Variants in KCNA2 observed in about 807,000 individuals in gnomAD.
The protein encoded by KCNA2 is potassium channel, voltage gated shaker related subfamily A, member 2.
In KCNA2, 11 loss-of-function variants were observed where a neutral mutation model predicts 33.4. The observed-to-expected ratio is 0.33, with a 90% CI of 0.21 to 0.55. The LOEUF is 0.55. KCNA2 is among the 20% of genes least tolerant of loss of function. The pLI, the probability that KCNA2 is intolerant of heterozygous loss-of-function variation, is 0.93. For synonymous variants in KCNA2, 222 were observed against 231.3 expected, an observed-to-expected ratio of 0.96 and a Z score of 0.37; for missense variants, 291 against 621.6, an observed-to-expected ratio of 0.47 and a Z score of 5.66.
chr1:110,604,887 G>C lies in KCNA2; in HGVS notation c.-105C>G. ...CCAGGAAGCACAGGAGCATTGGCCT[G>C]GTCTCCTGCAGGAGAGCCCCGAGAG... On this transcript the variant is annotated 5_prime_UTR_variant, in exon 3 of 3. Transcript: ENST00000316361. This position sits in a 1 kb window ranked among gnomAD's most constrained non-coding sequence, Gnocchi z 7.6. 3 of 1,107,516 alleles carry C rather than the reference G, an allele frequency of 2.7e-6. No individual in the cohort carries two copies. In the East Asian group the frequency reaches 7.1e-5, roughly 26 times the overall value. 68.6% of individuals were successfully genotyped at this position (1,107,516 alleles called of 1,614,324 possible). A position where few individuals can be genotyped will look rare whatever the true frequency, so the allele number is the denominator to read the frequency against.
At chr1:110,606,660 AG>A (rs1396410929), upstream of KCNA2, 5 of 152,278 alleles carry the variant, frequency 3.3e-5, no homozygotes, top group Admixed American at 6.5e-5. Flanking sequence ...TCAGCTCTTA[AG>A]CCCCCGGCGT....
rs1178699916 is a variant in KCNA2, at chr1:110,601,421, GATA to G, written c.*1859_*1861del. Reference sequence around the variant, plus strand: ...GAAAGTGACGGATGCAGAGCCAAATGATAATAAGATCCAAGTGGCAAGGGAAGA... The same window carrying G: ...GAAAGTGACGGATGCAGAGCCAAATGATAAGATCCAAGTGGCAAGGGAAGA... On this transcript the variant is annotated 3_prime_UTR_variant, in exon 3 of 3. Transcript: ENST00000316361. 1.0e-6 allele frequency: 1 copy of G among 985,292 alleles called. No homozygotes were observed. Among genetic ancestry groups the G allele is most frequent in the African/African-American group, 1.7e-5 (1 of 57,202 alleles). The allele number at this position is 985,292 out of a possible 1,614,324, so 61.0% of individuals were successfully genotyped here. A position where few individuals can be genotyped will look rare whatever the true frequency, so the allele number is the denominator to read the frequency against.
chr1:110,621,070 G>A (rs576913774), intron 1 of KCNA2, among the ~76,000 whole-genome samples: 92 of 152,316 alleles, frequency 6.0e-4, no homozygotes, highest in Non-Finnish European at 9.9e-4. Context: ...AATAACTGAA[G>A]CGCCTCCATA....
chr1:110,619,800 T>C (rs994664535), intron 1 of KCNA2, among the ~76,000 whole-genome samples: 2 of 152,228 alleles, frequency 1.3e-5, no homozygotes, highest in African/African-American at 4.8e-5. Context: ...GTCACCTCTC[T>C]GACAACACCT....
rs35728918 is a variant in KCNA2, at chr1:110,601,794, ATGTGTGTGTGTG to A, written c.*1477_*1488del. 4.8e-4 allele frequency: 400 copies of A among 840,436 alleles called. 1 individual carries two copies. In the East Asian group the frequency reaches 7.5e-3, roughly 16 times the overall value. 52.1% of individuals were successfully genotyped at this position (840,436 alleles called of 1,614,324 possible). ...AGAAAATGAATATATATATATATAT[ATGTGTGTGTGTG>A]TGTGTGTGTGTGTGTGTGTGTGTAT... On this transcript the variant is annotated 3_prime_UTR_variant, in exon 3 of 3. Transcript: ENST00000316361.
Position 110,597,722 on chromosome 1 carries a change from A to G in KCNA2, c.*5561T>C, listed in dbSNP as rs968629613. On this transcript the variant is annotated 3_prime_UTR_variant, in exon 3 of 3. Coordinates refer to ENST00000316361, the MANE Select transcript of KCNA2 (RefSeq NM_004974.4). ...AAGGGCATTATCTGATAATCCAGGT[A>G]CTATCTATCACTTTTCAGTCCTGAG... The G allele has an allele frequency of 1.3e-4, 127 of 985,260 alleles. No individual in the cohort carries two copies. The highest frequency in any genetic ancestry group is 1.4e-4 in the Non-Finnish European group (117 of 829,880). 61.0% of individuals were successfully genotyped at this position (985,260 alleles called of 1,614,324 possible).
At chr1:110,618,973 A>C (rs1203273194) in intron 1 of KCNA2, among the ~76,000 whole-genome samples, 2 of 152,208 alleles carry the variant, frequency 1.3e-5, no homozygotes, top group Non-Finnish European at 2.9e-5. Flanking sequence ...TTTTATAAAC[A>C]ACATAAATCG....
Position 110,598,483 on chromosome 1 carries a change from A to G in KCNA2, c.*4800T>C. On this transcript the variant is annotated 3_prime_UTR_variant, in exon 3 of 3. Coordinates refer to ENST00000316361, the MANE Select transcript of KCNA2 (RefSeq NM_004974.4). ...TCAGAGGGTGCTGTCCTCTCTCCAC[A>G]TGGGTTGATACTGATAGAGTCCTCA... 1.0e-6 allele frequency: 1 copy of G among 985,268 alleles called. No individual in the cohort carries two copies. Among genetic ancestry groups the G allele is most frequent in the Non-Finnish European group, 1.2e-6 (1 of 829,890 alleles). The allele number at this position is 985,268 out of a possible 1,614,324, so 61.0% of individuals were successfully genotyped here. A position where few individuals can be genotyped will look rare whatever the true frequency, so the allele number is the denominator to read the frequency against.
chr1:110,618,279 C>T (rs1340833929), intron 1 of KCNA2, among the ~76,000 whole-genome samples: 7 of 152,166 alleles, frequency 4.6e-5, no homozygotes, highest in Admixed American at 2.6e-4. Context: ...TCCAAGAGTT[C>T]GAGGTTACAG....
chr1:110,627,720 T>A (rs1359898028), intron 1 of KCNA2, among the ~76,000 whole-genome samples: 5 of 151,614 alleles, frequency 3.3e-5, no homozygotes, highest in Non-Finnish European at 7.4e-5. Flanking sequence ...AGGACTAACA[T>A]AATTATAAAA....
chr1:110,596,170 A>C lies in KCNA2; in HGVS notation c.*7113T>G. The C allele has an allele frequency of 1.0e-6, 1 of 984,872 alleles. No homozygotes were observed. Among genetic ancestry groups the C allele is most frequent in the South Asian group, 4.7e-5 (1 of 21,282 alleles). 61.0% of individuals were successfully genotyped at this position (984,872 alleles called of 1,614,324 possible). A position where few individuals can be genotyped will look rare whatever the true frequency, so the allele number is the denominator to read the frequency against. On this transcript the variant is annotated 3_prime_UTR_variant, in exon 3 of 3. Coordinates refer to ENST00000316361, the MANE Select transcript of KCNA2 (RefSeq NM_004974.4). ...GAGGTCCCTAAGCAGAAAAAAAAAGAGTAGAACTGGAGAGGTGAAAAGAAT... is the reference window on the plus strand; with the variant it reads ...GAGGTCCCTAAGCAGAAAAAAAAAGCGTAGAACTGGAGAGGTGAAAAGAAT...
chr1:110,615,541 T>C (rs900464842), intron 1 of KCNA2, among the ~76,000 whole-genome samples: 1 of 152,224 alleles, frequency 6.6e-6, no homozygotes, highest in African/African-American at 2.4e-5. Context: ...ATGGGGCTAT[T>C]AGAAAGATTT....
At chr1:110,611,991 G>A (rs559559455) in intron 1 of KCNA2, among the ~76,000 whole-genome samples, 158 of 152,252 alleles carry the variant, frequency 1.0e-3, no homozygotes, top group African/African-American at 3.7e-3. Context: ...ACCACTGCAC[G>A]ACAGTCTGGG....
At chr1:110,627,828 CAAA>C (rs368198999) in intron 1 of KCNA2, among the ~76,000 whole-genome samples, 2 of 125,144 alleles carry the variant, frequency 1.6e-5, no homozygotes, top group Admixed American at 8.2e-5. Flanking sequence ...GACCCTGTCT[CAAA>C]AAAAAAAAAA....
In KCNA2 at chr1:110,595,388, G is replaced by A. The variant is rs1649052552; in HGVS notation, c.*7895C>T. ...CTCAACTGCCTCAGTGCACCAGCTG[G>A]TCATGTCAAGTCTGGGTTATGGGCT... is the stretch of plus-strand genomic sequence containing the variant. On this transcript the variant is annotated 3_prime_UTR_variant, in exon 3 of 3. Coordinates refer to ENST00000316361, the MANE Select transcript of KCNA2 (RefSeq NM_004974.4). 1 of 985,428 alleles carries A rather than the reference G, an allele frequency of 1.0e-6. No individual in the cohort carries two copies. Among genetic ancestry groups the A allele is most frequent in the Non-Finnish European group, 1.2e-6 (1 of 829,944 alleles). The allele number at this position is 985,428 out of a possible 1,614,324, so 61.0% of individuals were successfully genotyped here.
At position 110,596,120 on chromosome 1, in the gene KCNA2, T is replaced by C; in HGVS notation, c.*7163A>G. 1 of 985,322 alleles carries C rather than the reference T, an allele frequency of 1.0e-6. No homozygotes were observed. Among genetic ancestry groups the C allele is most frequent in the African/African-American group, 1.7e-5 (1 of 57,302 alleles). 61.0% of individuals were successfully genotyped at this position (985,322 alleles called of 1,614,324 possible). A position where few individuals can be genotyped will look rare whatever the true frequency, so the allele number is the denominator to read the frequency against. ...GAGGTGATCCTGTAGCCTGTTCTTT[T>C]TTTATGAAAGATCTGCCTTCTAGAG... On this transcript the variant is annotated 3_prime_UTR_variant, in exon 3 of 3. Coordinates refer to ENST00000316361, the MANE Select transcript of KCNA2 (RefSeq NM_004974.4).
At chr1:110,617,394 G>T (rs1435766336) in intron 1 of KCNA2, among the ~76,000 whole-genome samples, 5 of 152,224 alleles carry the variant, frequency 3.3e-5, no homozygotes, top group Non-Finnish European at 7.3e-5. Flanking sequence ...GGGGAAGACT[G>T]AGAAAGGCCT....
chr1:110,601,277 C>T lies in KCNA2; in HGVS notation c.*2006G>A, dbSNP rs1374996958. ...TAGTCCCGGACTTCAGACATTTCCA[C>T]ATAGAGGAGGCTCCCTTTAGGTCCA... On this transcript the variant is annotated 3_prime_UTR_variant, in exon 3 of 3. Coordinates refer to ENST00000316361, the MANE Select transcript of KCNA2 (RefSeq NM_004974.4). The T allele has an allele frequency of 1.0e-6, 1 of 985,348 alleles. No individual in the cohort carries two copies. The highest frequency in any genetic ancestry group is 1.7e-5 in the African/African-American group (1 of 57,234). The allele number at this position is 985,348 out of a possible 1,614,324, so 61.0% of individuals were successfully genotyped here.
At chr1:110,626,610 C>G (rs1375397790) in intron 1 of KCNA2, among the ~76,000 whole-genome samples, 2 of 151,824 alleles carry the variant, frequency 1.3e-5, no homozygotes, top group African/African-American at 4.9e-5. Context: ...AAGTAAAAAT[C>G]TCTTAAATTT....
Sources: gnomAD v4.1 joint callset for allele counts (sites outside exome capture counted in the v4.1 genomes callset) on GRCh38, gnomAD v4.1.1 for gene constraint, Gnocchi (gnomAD v3.1) non-coding constraint, MANE v1.5 for transcripts, NCBI Gene and HGNC (gene_info 2026-07-23, HGNC 2026-07-21) for gene names.